The following COL4A3 variants were observed in gnomAD, a reference collection of about 807,000 sequenced individuals.
COL4A3 encodes collagen type IV alpha 3 chain, also known as collagen alpha-3(IV) chain.
Under a neutral mutation model 217.4 loss-of-function variants are expected in COL4A3, and 135 were observed. The observed-to-expected ratio is 0.62, with a 90% CI of 0.54 to 0.72. COL4A3 has a LOEUF of 0.72. Ranked by LOEUF, COL4A3 falls within the 30% of genes least tolerant of loss-of-function variation. COL4A3 has a pLI of 0.00. For synonymous variants in COL4A3, 690 were observed against 736.3 expected (o/e 0.94, Z 1.02); for missense variants, 1,868 against 2,119.9 (o/e 0.88, Z 2.33).
chr2:227,263,843 A>G lies in COL4A3; in HGVS notation c.1214A>G (p.Glu405Gly). Residue 405 changes from glutamate to glycine, a missense_variant, in exon 21 of 52, where the codon GAA (glutamate) becomes GGA (glycine). Transcript: ENST00000396578. ...GWPGLKGSKGERGRPGKDAMG... is the reference protein window; with the variant it reads ...GWPGLKGSKGGRGRPGKDAMG... ...CCAGGCCTGAAAGGAAGTAAAGGGG[A>G]ACGAGGCCGCCCAGGAAAGGATGCC... 6.2e-7 allele frequency: 1 copy of G among 1,614,120 alleles called. No individual in the cohort carries two copies. Among genetic ancestry groups the G allele is most frequent in the Non-Finnish European group, 8.5e-7 (1 of 1,179,982 alleles).
intron 9 of COL4A3, among the ~76,000 whole-genome samples, chr2:227,249,637 A>G (rs2069612322): frequency 2.0e-5 from 3 of 152,088 alleles, no homozygotes; most frequent in Admixed American, 2.0e-4. Context: ...GGCTGTTGAA[A>G]TCCTGTATGG....
chr2:227,314,191 G>C lies in COL4A3; in HGVS notation c.*2321G>C, dbSNP rs2073830814. On this transcript the variant is annotated 3_prime_UTR_variant, in exon 52 of 52. Coordinates refer to ENST00000396578, the MANE Select transcript of COL4A3 (RefSeq NM_000091.5). ...GACTGGTGCTAATGTCAAACCACTG[G>C]CCTCCACTCAGGCCTCCATCTTCTC... is the stretch of plus-strand genomic sequence containing the variant. 1 of 152,484 alleles carries C rather than the reference G, an allele frequency of 6.6e-6. No homozygotes were observed. Among genetic ancestry groups the C allele is most frequent in the Non-Finnish European group, 1.5e-5 (1 of 68,006 alleles). 9.4% of individuals were successfully genotyped at this position (152,484 alleles called of 1,614,324 possible). A position where few individuals can be genotyped will look rare whatever the true frequency, so the allele number is the denominator to read the frequency against.
At chr2:227,192,270 C>T (rs2066272611) in intron 1 of COL4A3, among the ~76,000 whole-genome samples, 1 of 152,130 alleles carries the variant, frequency 6.6e-6, no homozygotes, top group Admixed American at 6.5e-5. Context: ...GTGAAGAAGG[C>T]TAAGTTTGTG....
At chr2:227,236,222 T>C (rs977421147) in intron 1 of COL4A3, among the ~76,000 whole-genome samples, 6 of 152,234 alleles carry the variant, frequency 3.9e-5, no homozygotes, top group African/African-American at 1.4e-4. Context: ...TGCAAGTGTA[T>C]TTTTCGTATA....
chr2:227,218,339 G>A (rs888857517), intron 1 of COL4A3, among the ~76,000 whole-genome samples: 6 of 151,950 alleles, frequency 3.9e-5, no homozygotes, highest in Admixed American at 3.3e-4. Context: ...GGTGGTGGGC[G>A]CCTGTAGTCC....
chr2:227,212,353 C>G (rs1437967862), intron 1 of COL4A3, among the ~76,000 whole-genome samples: 1 of 152,054 alleles, frequency 6.6e-6, no homozygotes, highest in Non-Finnish European at 1.5e-5. Context: ...TTTCCCTACC[C>G]CAAGGTCATA....
At chr2:227,247,169 T>C (rs1291290151) in intron 7 of COL4A3, among the ~76,000 whole-genome samples, 2 of 152,116 alleles carry the variant, frequency 1.3e-5, no homozygotes, top group African/African-American at 4.8e-5. Context: ...GAAACACCTA[T>C]TGTAGTAGAA....
chr2:227,255,803 C>T (rs558884287), intron 15 of COL4A3, among the ~76,000 whole-genome samples: 1 of 152,130 alleles, frequency 6.6e-6, no homozygotes, highest in South Asian at 2.1e-4. Context: ...CTCTGACTTT[C>T]TCCAGTTTCC....
chr2:227,243,183 T>C (rs1022299297), intron 3 of COL4A3, among the ~76,000 whole-genome samples: 2 of 152,220 alleles, frequency 1.3e-5, no homozygotes, highest in Non-Finnish European at 2.9e-5. Context: ...GCACTTAGTA[T>C]GGGTTACATG....
chr2:227,298,566 GAATGTTTGTGGC>G, intron 42 of COL4A3, 104 bp from the exon 43 acceptor site: 1 of 1,434,334 alleles, frequency 7.0e-7, no homozygotes, highest in Non-Finnish European at 9.7e-7. Context: ...CCAGGGGAAA[GAATGTTTGTGGC>G]AATGCTAAGT....
rs1390041305 is a variant in COL4A3 at position 227,314,169 on chromosome 2, T to C, written c.*2299T>C. 2.6e-5 allele frequency: 4 copies of C among 152,636 alleles called. No individual in the cohort carries two copies. Among genetic ancestry groups the C allele is most frequent in the Admixed American group, 2.0e-4 (3 of 15,282 alleles). 9.5% of individuals were successfully genotyped at this position (152,636 alleles called of 1,614,324 possible). Reference sequence around the variant, plus strand: ...TTACTCATAAGTAAAAGCCCTAGACTGGTGCTAATGTCAAACCACTGGCCT... The same window carrying C: ...TTACTCATAAGTAAAAGCCCTAGACCGGTGCTAATGTCAAACCACTGGCCT... On this transcript the variant is annotated 3_prime_UTR_variant, in exon 52 of 52. Transcript: ENST00000396578.
intron 1 of COL4A3, among the ~76,000 whole-genome samples, chr2:227,176,358 T>C (rs1383890481): frequency 1.3e-5 from 2 of 152,234 alleles, no homozygotes; most frequent in African/African-American, 4.8e-5. Context: ...TATGAGTGTG[T>C]ACATATAAAT....
At chr2:227,256,299 G>A (rs1011075108) in intron 16 of COL4A3, 44 bp from the exon 17 acceptor site, 1 of 1,578,326 alleles carries the variant, frequency 6.3e-7, no homozygotes. Context: ...GAAGAAGTTG[G>A]CTCCTGTGTC....
In COL4A3 at chr2:227,314,211, C is replaced by G. The variant is rs1327310783; in HGVS notation, c.*2341C>G. On this transcript the variant is annotated 3_prime_UTR_variant, in exon 52 of 52. Transcript: ENST00000396578. Reference sequence around the variant, plus strand: ...CACTGGCCTCCACTCAGGCCTCCATCTTCTCATGCCCTCTTACCAGTATTT... The same window carrying G: ...CACTGGCCTCCACTCAGGCCTCCATGTTCTCATGCCCTCTTACCAGTATTT... The G allele has an allele frequency of 6.6e-6, 1 of 152,630 alleles. No individual in the cohort carries two copies. Among genetic ancestry groups the G allele is most frequent in the Non-Finnish European group, 1.5e-5 (1 of 68,052 alleles). The allele number at this position is 152,630 out of a possible 1,614,324, so 9.5% of individuals were successfully genotyped here.
At position 227,209,806 on chromosome 2, in the gene COL4A3, C is replaced by T. The variant is rs548693882; in HGVS notation, c.88-28162C>T. Among the ~76,000 whole-genome samples the T allele has an allele frequency of 1.0e-3, 153 of 152,244 alleles. 1 individual carries two copies. The highest frequency in any genetic ancestry group is 3.5e-3 in the African/African-American group (147 of 41,538). On this transcript the variant is annotated intron_variant, in intron 1 of 51. Coordinates refer to ENST00000396578, the MANE Select transcript of COL4A3 (RefSeq NM_000091.5). ...GCAGTGAGCTGAGATCGTGCCATTG[C>T]GCTCCAGCCTGGGCAATAAGAGCAA...
chr2:227,251,668 CCT>C (rs1373782978), intron 11 of COL4A3, among the ~76,000 whole-genome samples: 1 of 152,170 alleles, frequency 6.6e-6, no homozygotes, highest in Non-Finnish European at 1.5e-5. Flanking sequence ...AGCACATTAT[CCT>C]CTGAGTTTTT....
chr2:227,268,967 T>C (rs542853112), intron 23 of COL4A3, among the ~76,000 whole-genome samples: 1 of 152,302 alleles, frequency 6.6e-6, no homozygotes, highest in East Asian at 1.9e-4. Context: ...ATTTGGCCTA[T>C]CCAGGTGCAG....
Position 227,253,581 on chromosome 2 carries a change from A to T in COL4A3, c.708A>T (p.Gly236=), listed in dbSNP as rs1216693546. Reference sequence around the variant, plus strand: ...TTTAGGGTGTGAAAGGGTTAACAGGACCCCCGGGACCACCAGGAACAGTTA... The same window carrying T: ...TTTAGGGTGTGAAAGGGTTAACAGGTCCCCCGGGACCACCAGGAACAGTTA... ...KGERGVKGLT[G]PPGPPGTVIV... is the part of the protein sequence containing the mutation. The change falls in exon 13 of 52, where the codon GGA becomes GGT. Residue 236 remains glycine, a synonymous_variant. Transcript: ENST00000396578. This position sits in a 1 kb window ranked among gnomAD's most constrained non-coding sequence, Gnocchi z 4.4. 6.2e-7 allele frequency: 1 copy of T among 1,613,890 alleles called. No homozygotes were observed. Among genetic ancestry groups the T allele is most frequent in the Non-Finnish European group, 8.5e-7 (1 of 1,179,906 alleles).
chr2:227,251,289 G>C (rs752476481), intron 10 of COL4A3, 47 bp from the exon 11 acceptor site: 1 of 1,606,498 alleles, frequency 6.2e-7, no homozygotes, highest in Admixed American at 1.7e-5. Context: ...GAATTTTTCT[G>C]GTTGGATGCA....
Sources: gnomAD v4.1 joint callset for allele counts (sites outside exome capture counted in the v4.1 genomes callset) on GRCh38, gnomAD v4.1.1 for gene constraint, Gnocchi (gnomAD v3.1) non-coding constraint, MANE v1.5 for transcripts, NCBI Gene and HGNC (gene_info 2026-07-23, HGNC 2026-07-21) for gene names.